The following ADK variants were observed in gnomAD, a reference collection of about 807,000 sequenced individuals.
The protein encoded by ADK is adenosine kinase.
A neutral mutation model predicts 44.7 loss-of-function variants in ADK; 24 were observed. The ratio of observed to expected loss-of-function variants is 0.54; its 90% CI spans 0.39 to 0.76. The LOEUF is 0.76. Among genes scored for constraint, ADK ranks in the 30% least tolerant of loss-of-function variants. The pLI, the probability that ADK is intolerant of heterozygous loss-of-function variation, is 0.00. For missense variants in ADK, 321 were observed against 425.1 expected, an observed-to-expected ratio of 0.76 and a Z score of 2.15; for synonymous variants, 128 against 142.6, an observed-to-expected ratio of 0.90 and a Z score of 0.73.
intron 4 of ADK, among the ~76,000 whole-genome samples, chr10:74,318,782 G>A (rs1840714547): frequency 6.6e-6 from 1 of 152,162 alleles, no homozygotes; most frequent in Non-Finnish European, 1.5e-5. Context: ...GCCAAAACCT[G>A]CATTTAGCTA....
chr10:74,702,993 G>C (rs937811286), intron 10 of ADK, among the ~76,000 whole-genome samples: 4 of 152,178 alleles, frequency 2.6e-5, no homozygotes, highest in Non-Finnish European at 5.9e-5. Context: ...ACCTTGATCA[G>C]GTGGTCAGAA....
chr10:74,231,942 T>C (rs1272266482), intron 3 of ADK, among the ~76,000 whole-genome samples: 1 of 152,046 alleles, frequency 6.6e-6, no homozygotes, highest in African/African-American at 2.4e-5. Flanking sequence ...TTAGATTTCT[T>C]TGCTGCTTTT....
At position 74,274,710 on chromosome 10, in the gene ADK, TAGG is replaced by T. The variant is rs1445974888; in HGVS notation, c.195-39954_195-39952del. ...TTTAAGAGGGGGCAGAGGTGATTAG[TAGG>T]AGAAAAATTTTAATGTGTGTATATA... is the stretch of plus-strand genomic sequence containing the variant. On this transcript the variant is annotated intron_variant, in intron 3 of 10. Coordinates refer to ENST00000539909, the MANE Select transcript of ADK (RefSeq NM_006721.4). Among the ~76,000 whole-genome samples the T allele has an allele frequency of 3.1e-5, 3 of 96,166 alleles. No individual in the cohort carries two copies. The East Asian group carries it at 7.5e-4, about 24-fold the overall frequency. 63.1% of individuals were successfully genotyped at this position (96,166 alleles called of 152,430 possible).
At position 74,635,400 on chromosome 10, in the gene ADK, T is replaced by G. The variant is rs184072927; in HGVS notation, c.878-34783T>G. ...TTTCCTTCAGTGATGAAGGTGATAT[T>G]AAAACATTGTTATATAAACATAAGA... On this transcript the variant is annotated intron_variant, in intron 9 of 10. Coordinates refer to ENST00000539909, the MANE Select transcript of ADK (RefSeq NM_006721.4). Among the ~76,000 whole-genome samples, 125 of 152,320 alleles carry G rather than the reference T, an allele frequency of 8.2e-4. 2 individuals carry two copies. In the East Asian group the frequency reaches 0.024, roughly 29 times the overall value.
chr10:74,415,663 A>G (rs1234894164), intron 6 of ADK, among the ~76,000 whole-genome samples: 2 of 152,160 alleles, frequency 1.3e-5, no homozygotes, highest in African/African-American at 4.8e-5. Flanking sequence ...CTGTTAGTGT[A>G]TTTACAGAGT....
intron 6 of ADK, among the ~76,000 whole-genome samples, chr10:74,438,122 T>C (rs77985579): frequency 3.2e-4 from 49 of 152,292 alleles, no homozygotes; most frequent in Non-Finnish European, 4.7e-4. Context: ...CCCCACCTTA[T>C]ATAACCATGC....
chr10:74,346,960 A>G (rs1026443334), intron 4 of ADK, among the ~76,000 whole-genome samples: 1 of 151,822 alleles, frequency 6.6e-6, no homozygotes, highest in Admixed American at 6.6e-5. Flanking sequence ...AATACAAAAA[A>G]TTAGCCGGGC....
At chr10:74,299,515 A>T (rs370002886) in intron 3 of ADK, among the ~76,000 whole-genome samples, 9 of 140,532 alleles carry the variant, frequency 6.4e-5, no homozygotes, top group African/African-American at 1.8e-4. Flanking sequence ...AAAAAAAAGA[A>T]ATATATATAT....
chr10:74,575,037 A>G (rs576809839), intron 7 of ADK, among the ~76,000 whole-genome samples: 1 of 152,374 alleles, frequency 6.6e-6, no homozygotes, highest in East Asian at 1.9e-4. Context: ...ATAGCATAAT[A>G]GAAGAATATT....
intron 6 of ADK, among the ~76,000 whole-genome samples, chr10:74,406,025 A>G (rs1843910410): frequency 6.6e-6 from 1 of 152,092 alleles, no homozygotes; most frequent in Non-Finnish European, 1.5e-5. Context: ...TCTCAGTTGT[A>G]TTTCCTCAAC....
intron 1 of ADK, among the ~76,000 whole-genome samples, chr10:74,179,057 T>C (rs969286879): frequency 6.6e-6 from 1 of 152,230 alleles, no homozygotes; most frequent in Admixed American, 6.5e-5. Context: ...TGCTTTCTTC[T>C]TATCCTGCAA....
At chr10:74,224,454 G>T in intron 2 of ADK, 84 bp from the exon 3 acceptor site, 2 of 1,010,292 alleles carry the variant, frequency 2.0e-6, no homozygotes, top group South Asian at 1.3e-5. Flanking sequence ...TAACAGTGTT[G>T]GAGTGCTTGT....
At chr10:74,390,458 A>G (rs865920464) in intron 4 of ADK, among the ~76,000 whole-genome samples, 1 of 152,126 alleles carries the variant, frequency 6.6e-6, no homozygotes, top group African/African-American at 2.4e-5. Context: ...GAACTTTTCT[A>G]TACCTTTCAC....
chr10:74,219,176 C>T (rs1301408453), intron 2 of ADK, among the ~76,000 whole-genome samples: 1 of 151,672 alleles, frequency 6.6e-6, no homozygotes, highest in Non-Finnish European at 1.5e-5. Flanking sequence ...GGAGGAAGAT[C>T]TACCAAGCGA....
At chr10:74,689,637 T>G (rs1404955635) in intron 10 of ADK, among the ~76,000 whole-genome samples, 3 of 152,218 alleles carry the variant, frequency 2.0e-5, no homozygotes, top group Admixed American at 1.3e-4. Flanking sequence ...CTACCTAGGA[T>G]CTTTGCTGCC....
intron 7 of ADK, among the ~76,000 whole-genome samples, chr10:74,578,234 A>G (rs1432733299): frequency 1.3e-5 from 2 of 152,180 alleles, no homozygotes; most frequent in African/African-American, 4.8e-5. Flanking sequence ...TTAAGCACTG[A>G]TCAGTGAATT....
At chr10:74,169,342 G>C (rs1408040908) in intron 1 of ADK, among the ~76,000 whole-genome samples, 1 of 152,190 alleles carries the variant, frequency 6.6e-6, no homozygotes, top group Non-Finnish European at 1.5e-5. Context: ...GTTGTGAAAT[G>C]ATAGTGATAT....
intron 1 of ADK, among the ~76,000 whole-genome samples, chr10:74,192,305 A>G (rs1326326641): frequency 6.6e-6 from 1 of 151,462 alleles, no homozygotes; most frequent in Non-Finnish European, 1.5e-5. Context: ...TTGGCTCACC[A>G]CAACCTCCGC....
intron 1 of ADK, among the ~76,000 whole-genome samples, chr10:74,160,659 A>G (rs1214443101): frequency 6.7e-6 from 1 of 149,908 alleles, no homozygotes; most frequent in Non-Finnish European, 1.5e-5. Context: ...GCGTGCATGC[A>G]GGTAGGGGTG....
Sources: gnomAD v4.1 joint callset for allele counts (sites outside exome capture counted in the v4.1 genomes callset) on GRCh38, gnomAD v4.1.1 for gene constraint, MANE v1.5 for transcripts, NCBI Gene and HGNC (gene_info 2026-07-23, HGNC 2026-07-21) for gene names.